Variants in PUDP observed in about 807,000 individuals in gnomAD.
PUDP encodes pseudouridine-5'-phosphatase.
PUDP carries 8 observed loss-of-function variants against 9.4 expected under a neutral mutation model. That is an observed-to-expected ratio of 0.85 (90% CI 0.50 to 1.53). The LOEUF is 1.53. Ranked by LOEUF, PUDP falls within the 40% of genes most tolerant of loss-of-function variation. The pLI is 0.00. For missense variants in PUDP, 188 were observed against 189.7 expected, an observed-to-expected ratio of 0.99 and a Z score of 0.05; for synonymous variants, 99 against 80.7, an observed-to-expected ratio of 1.23 and a Z score of -1.22.
At chrX:7,090,250 A>T (rs1362836436) in intron 2 of PUDP, among the ~76,000 whole-genome samples, 1 of 111,171 alleles carries the variant, frequency 9.0e-6, no homozygotes, top group African/African-American at 3.3e-5. Context: ...ATTGAAAAAC[A>T]TATAGCATAA....
chrX:6,953,786 C>A (rs1380766540), intron 3 of PUDP, among the ~76,000 whole-genome samples: 1 of 111,475 alleles, frequency 9.0e-6, no homozygotes, highest in African/African-American at 3.3e-5. Flanking sequence ...TGAAGCCCAC[C>A]TCCTCCAGAA....
chrX:6,878,207 A>G (rs766479901), intron 3 of PUDP, among the ~76,000 whole-genome samples: 32 of 112,016 alleles, frequency 2.9e-4, no homozygotes, highest in African/African-American at 8.7e-4. Context: ...TCAAGTTTAA[A>G]TCAAAGAGCA....
intron 3 of PUDP, among the ~76,000 whole-genome samples, chrX:6,809,551 C>G (rs1194542583): frequency 9.1e-6 from 1 of 110,278 alleles, no homozygotes; most frequent in Non-Finnish European, 1.9e-5. Context: ...CCTCCCTCAG[C>G]CTCCCAAAGT....
At chrX:7,100,695 T>C (rs773324270) in intron 2 of PUDP, among the ~76,000 whole-genome samples, 1 of 111,817 alleles carries the variant, frequency 8.9e-6, no homozygotes, top group Admixed American at 9.5e-5. Flanking sequence ...TTGGCGCAGA[T>C]AAAAGAGGAG....
At chrX:6,715,121 T>C (rs748430179) in intron 1 of PUDP, among the ~76,000 whole-genome samples, 2 of 111,007 alleles carry the variant, frequency 1.8e-5, no homozygotes, top group African/African-American at 6.5e-5. Flanking sequence ...ATAAAAATAT[T>C]TTTTACCAAA....
chrX:6,870,372 G>A (rs754142273), intron 3 of PUDP, among the ~76,000 whole-genome samples: 5 of 111,812 alleles, frequency 4.5e-5, no homozygotes, highest in Non-Finnish European at 9.4e-5. Flanking sequence ...AATCATGGGG[G>A]CAGGTCTTTC....
At chrX:7,056,767 C>A (rs1039688608) in intron 3 of PUDP, among the ~76,000 whole-genome samples, 3 of 111,608 alleles carry the variant, frequency 2.7e-5, no homozygotes, top group African/African-American at 6.5e-5. Context: ...GGAAAGTCAG[C>A]GCTAGGGAAT....
exon 2 of PUDP, among the ~76,000 whole-genome samples, chrX:6,978,180 C>T (rs184706921): frequency 8.9e-6 from 1 of 112,191 alleles, no homozygotes; most frequent in African/African-American, 3.2e-5. Flanking sequence ...ACTCTGTTTG[C>T]CTTCTTTAGT....
intron 3 of PUDP, among the ~76,000 whole-genome samples, chrX:6,810,729 G>A (rs1926129807): frequency 9.0e-6 from 1 of 111,551 alleles, no homozygotes; most frequent in African/African-American, 3.3e-5. Flanking sequence ...TGAGCAATCA[G>A]CGAGTATGTA....
chrX:7,107,549 G>A (rs1036188814), intron 1 of PUDP, among the ~76,000 whole-genome samples: 2 of 112,755 alleles, frequency 1.8e-5, no homozygotes, highest in Admixed American at 9.3e-5. Flanking sequence ...GTTATGGGGC[G>A]GGCGCGGTGG....
chrX:6,920,771 T>C (rs896879515), intron 3 of PUDP, among the ~76,000 whole-genome samples: 3 of 111,812 alleles, frequency 2.7e-5, no homozygotes, highest in African/African-American at 6.5e-5. Context: ...CCCGACCACC[T>C]TGGGCACACG....
At chrX:7,051,446 G>A (rs991925430) in intron 3 of PUDP, among the ~76,000 whole-genome samples, 2 of 111,570 alleles carry the variant, frequency 1.8e-5, no homozygotes, top group Non-Finnish European at 3.8e-5. Flanking sequence ...TTCGGTTGAC[G>A]TGTGTGCTAA....
At chrX:7,071,570 C>T (rs910758826) in intron 3 of PUDP, among the ~76,000 whole-genome samples, 2 of 111,107 alleles carry the variant, frequency 1.8e-5, no homozygotes, top group African/African-American at 6.6e-5. Context: ...TGTAAAAACG[C>T]TGAGCATTTA....
chrX:6,960,206 T>C (rs1928687265), intron 3 of PUDP, among the ~76,000 whole-genome samples: 1 of 112,616 alleles, frequency 8.9e-6, no homozygotes, highest in Non-Finnish European at 1.9e-5. Context: ...GGCAGAATTC[T>C]GTGGTTTGAA....
At chrX:7,098,013 C>G in intron 2 of PUDP, among the ~76,000 whole-genome samples, 1 of 110,857 alleles carries the variant, frequency 9.0e-6, no homozygotes, top group East Asian at 2.9e-4. Context: ...CGAAGCCGAG[C>G]AGGGATGGAG....
At chrX:7,050,503 C>A in intron 3 of PUDP, 31 bp from the exon 4 acceptor site, 1 of 1,160,906 alleles carries the variant, frequency 8.6e-7, no homozygotes, top group South Asian at 1.9e-5. Context: ...TCGAGATGGC[C>A]TTTTATGGAA....
intron 3 of PUDP, among the ~76,000 whole-genome samples, chrX:6,872,833 A>C (rs1280397724): frequency 9.0e-6 from 1 of 111,164 alleles, no homozygotes; most frequent in Non-Finnish European, 1.9e-5. Flanking sequence ...TAAAGGCTTT[A>C]ACCAGGTAAC....
At chrX:6,973,942 C>CT (rs1928916084) in intron 3 of PUDP, among the ~76,000 whole-genome samples, 1 of 111,738 alleles carries the variant, frequency 8.9e-6, no homozygotes, top group African/African-American at 3.3e-5. Flanking sequence ...GAATTGATCC[C>CT]TTTATCATTA....
chrX:6,721,235 T>A (rs986818651), intron 1 of PUDP, among the ~76,000 whole-genome samples: 9 of 112,018 alleles, frequency 8.0e-5, no homozygotes, highest in Admixed American at 2.9e-4. Context: ...AAAGTTTCTG[T>A]GAGAAATCCT....
Sources: allele counts gnomAD v4.1 joint callset (sites outside exome capture counted in the v4.1 genomes callset), GRCh38; gene constraint gnomAD v4.1.1; transcripts MANE v1.5; gene names NCBI Gene and HGNC (gene_info 2026-07-23, HGNC 2026-07-21).